Variants in LIMA1 observed in about 807,000 individuals in gnomAD.
LIMA1 encodes the protein LIM domain and actin binding 1, also known as LIM domain and actin-binding protein 1.
In LIMA1, 52 loss-of-function variants were observed where a neutral mutation model predicts 62.6. The ratio of observed to expected loss-of-function variants is 0.83; its 90% CI spans 0.67 to 1.05. LIMA1 has a LOEUF of 1.05. Among genes scored for constraint, LIMA1 ranks in the 50% least tolerant of loss-of-function variants. LIMA1 has a pLI of 0.00. For missense variants in LIMA1, 780 were observed against 902.2 expected, an observed-to-expected ratio of 0.86 and a Z score of 1.74; for synonymous variants, 302 against 317.8, an observed-to-expected ratio of 0.95 and a Z score of 0.53.
intron 1 of LIMA1, among the ~76,000 whole-genome samples, chr12:50,254,674 C>A (rs1007348376): frequency 3.9e-5 from 6 of 152,170 alleles, no homozygotes; most frequent in African/African-American, 1.4e-4. Context: ...CTGTTGCTTA[C>A]GGTGAGGCCG....
At chr12:50,263,947 C>T (rs1160822791) in intron 1 of LIMA1, among the ~76,000 whole-genome samples, 1 of 147,646 alleles carries the variant, frequency 6.8e-6, no homozygotes, top group East Asian at 1.9e-4. Flanking sequence ...CACATGTCCA[C>T]ACAGAACTTG....
chr12:50,262,879 C>A (rs1459018898), intron 1 of LIMA1, among the ~76,000 whole-genome samples: 1 of 152,044 alleles, frequency 6.6e-6, no homozygotes, highest in Non-Finnish European at 1.5e-5. Flanking sequence ...GGAAAGACAG[C>A]AACATAAAAT....
chr12:50,241,290 G>A lies in LIMA1; in HGVS notation c.119+7343C>T, dbSNP rs772700072. Among the ~76,000 whole-genome samples the A allele has an allele frequency of 1.2e-4, 18 of 152,254 alleles. 1 individual carries two copies. The highest frequency in any genetic ancestry group is 6.8e-3 in the Middle Eastern group (2 of 294). On this transcript the variant is annotated intron_variant, in intron 2 of 10. Coordinates refer to ENST00000341247, the MANE Select transcript of LIMA1 (RefSeq NM_016357.5). ...GGAACTTAGAACTGGCCTTGAACTT[G>A]CGTTTCCACACCCCTTGGATAATCA... is the stretch of plus-strand genomic sequence containing the variant.
intron 4 of LIMA1, among the ~76,000 whole-genome samples, chr12:50,215,856 C>T (rs1309977522): frequency 2.6e-5 from 4 of 152,040 alleles, no homozygotes; most frequent in African/African-American, 9.7e-5. Flanking sequence ...TCGAGACCAG[C>T]CTGGCCAACA....
chr12:50,248,798 C>T (rs1941887668), intron 1 of LIMA1, 24 bp from the exon 2 acceptor site: 1 of 1,148,564 alleles, frequency 8.7e-7, no homozygotes, highest in Non-Finnish European at 1.3e-6. Flanking sequence ...AAAGTCAGAA[C>T]ATTAGACACA....
intron 1 of LIMA1, among the ~76,000 whole-genome samples, chr12:50,262,594 C>T (rs1049924610): frequency 7.3e-5 from 11 of 150,614 alleles, no homozygotes; most frequent in African/African-American, 2.4e-4. Flanking sequence ...GGCAATATGG[C>T]GAGACCTGTT....
chr12:50,250,710 G>A (rs115155127), intron 1 of LIMA1, among the ~76,000 whole-genome samples: 1,690 of 151,940 alleles, frequency 0.011, 30 homozygotes, highest in African/African-American at 0.037. Context: ...TTGTTAATAT[G>A]TTTTAATCCT....
intron 4 of LIMA1, among the ~76,000 whole-genome samples, chr12:50,216,171 A>C (rs1194839882): frequency 1.3e-5 from 2 of 152,194 alleles, no homozygotes; most frequent in African/African-American, 4.8e-5. Context: ...ACATATAAGG[A>C]ATTAGGAATG....
At chr12:50,206,124 A>G in intron 4 of LIMA1, 56 bp from the exon 5 acceptor site, 3 of 1,384,056 alleles carry the variant, frequency 2.2e-6, no homozygotes, top group Non-Finnish European at 3.1e-6. Context: ...ATCTTGACGC[A>G]AGGTTCAACT....
intron 2 of LIMA1, among the ~76,000 whole-genome samples, chr12:50,246,017 A>G (rs1025242171): frequency 6.6e-6 from 1 of 151,956 alleles, no homozygotes; most frequent in African/African-American, 2.4e-5. Flanking sequence ...GCAGATCATG[A>G]GGTCAGGAGT....
At chr12:50,223,071 A>C (rs1941474315) in intron 3 of LIMA1, among the ~76,000 whole-genome samples, 1 of 152,212 alleles carries the variant, frequency 6.6e-6, no homozygotes, top group Non-Finnish European at 1.5e-5. Flanking sequence ...TATTTGCATA[A>C]ATATTTAGTT....
chr12:50,249,835 G>A (rs1941903991), intron 1 of LIMA1: 1 of 152,170 alleles, frequency 6.6e-6, no homozygotes. Context: ...CTTACCAGAA[G>A]TAAAAGAAAA....
At chr12:50,188,370 A>G (rs577493018) in intron 9 of LIMA1, 3 of 152,350 alleles carry the variant, frequency 2.0e-5, no homozygotes, top group African/African-American at 7.2e-5. Flanking sequence ...AAGTATCTGT[A>G]TATTTGCCTG....
At chr12:50,220,097 G>T (rs1047780207) in intron 4 of LIMA1, among the ~76,000 whole-genome samples, 1 of 151,848 alleles carries the variant, frequency 6.6e-6, no homozygotes, top group Non-Finnish European at 1.5e-5. Flanking sequence ...GTCTCACTCT[G>T]TTGCCCAGGC....
At chr12:50,208,749 T>C (rs1305807132) in intron 4 of LIMA1, among the ~76,000 whole-genome samples, 1 of 152,036 alleles carries the variant, frequency 6.6e-6, no homozygotes, top group Non-Finnish European at 1.5e-5. Context: ...GGTTCATGCC[T>C]GTAATCCCAA....
intron 6 of LIMA1, among the ~76,000 whole-genome samples, chr12:50,204,118 G>A (rs1941106942): frequency 1.3e-5 from 2 of 152,076 alleles, no homozygotes; most frequent in African/African-American, 2.4e-5. Context: ...AAAAACCCTC[G>A]TTAATGAACA....
At chr12:50,233,592 T>A (rs998386663) in intron 2 of LIMA1, among the ~76,000 whole-genome samples, 1 of 152,208 alleles carries the variant, frequency 6.6e-6, no homozygotes, top group Admixed American at 6.5e-5. Flanking sequence ...TGGCACAATC[T>A]CGGCTCACTG....
intron 9 of LIMA1, among the ~76,000 whole-genome samples, chr12:50,183,839 A>G (rs565743429): frequency 6.2e-4 from 94 of 150,426 alleles, no homozygotes; most frequent in African/African-American, 2.2e-3. Context: ...AAAAAACCCA[A>G]AACAGGCCCA....
At chr12:50,205,567 G>C (rs1256878993) in intron 5 of LIMA1, among the ~76,000 whole-genome samples, 1 of 151,886 alleles carries the variant, frequency 6.6e-6, no homozygotes, top group Admixed American at 6.6e-5. Context: ...TGGTAATACA[G>C]GGTAACCAAA....
Sources: gnomAD v4.1 joint callset for allele counts (sites outside exome capture counted in the v4.1 genomes callset) on GRCh38, gnomAD v4.1.1 for gene constraint, MANE v1.5 for transcripts, NCBI Gene and HGNC (gene_info 2026-07-23, HGNC 2026-07-21) for gene names.